Variants in SORBS3 observed in about 807,000 individuals in gnomAD.
The protein encoded by SORBS3 is sorbin and SH3 domain containing 3.
A neutral mutation model predicts 98.0 loss-of-function variants in SORBS3; 69 were observed. That is an observed-to-expected ratio of 0.70 (90% CI 0.58 to 0.86). The LOEUF (loss-of-function observed/expected upper bound fraction) is 0.86. SORBS3 is among the 40% of genes least tolerant of loss of function. SORBS3 has a pLI of 0.00. For missense variants in SORBS3, 954 were observed against 908.5 expected (o/e 1.05, Z -0.64); for synonymous variants, 394 against 355.4 (o/e 1.11, Z -1.22).
At chr8:22,555,965 C>T (rs1208227678) in intron 3 of SORBS3, among the ~76,000 whole-genome samples, 1 of 152,230 alleles carries the variant, frequency 6.6e-6, no homozygotes, top group African/African-American at 2.4e-5. Flanking sequence ...TTTAACCCCT[C>T]GATATCCTGA....
At chr8:22,553,277 C>G (rs1840120196) in intron 1 of SORBS3, among the ~76,000 whole-genome samples, 2 of 152,178 alleles carry the variant, frequency 1.3e-5, no homozygotes, top group African/African-American at 4.8e-5. Context: ...CCAACACACA[C>G]ATACACACAG....
chr8:22,552,324 A>AGGGGCCTCTCCCCGCTCCC (rs1840097951), intron 1 of SORBS3, among the ~76,000 whole-genome samples: 1 of 152,102 alleles, frequency 6.6e-6, no homozygotes, highest in Admixed American at 6.5e-5. Context: ...CTCCCGCTCC[A>AGGGGCCTCTCCCCGCTCCC]GGGGCCTCTC....
intron 10 of SORBS3, 93 bp downstream of exon 10, chr8:22,564,614 C>A: frequency 6.6e-7 from 1 of 1,525,914 alleles, no homozygotes; most frequent in Non-Finnish European, 9.0e-7. Context: ...AGGCCACGAA[C>A]TAAGAGCTCT....
rs1490198818 is a variant in SORBS3, at chr8:22,574,756, C to G, written c.*28C>G. 6.2e-7 allele frequency: 1 copy of G among 1,607,866 alleles called. No homozygotes were observed. Among genetic ancestry groups the G allele is most frequent in the South Asian group, 1.1e-5 (1 of 90,942 alleles). On this transcript the variant is annotated 3_prime_UTR_variant, in exon 21 of 21. Coordinates refer to ENST00000240123, the MANE Select transcript of SORBS3 (RefSeq NM_005775.5). Reference sequence around the variant, plus strand: ...GGTCTCCATGGCAACTTGGAGCCAGCCAGGATGGGGTGGGGAGCGGTGGCA... The same window carrying G: ...GGTCTCCATGGCAACTTGGAGCCAGGCAGGATGGGGTGGGGAGCGGTGGCA...
intron 6 of SORBS3, chr8:22,561,581 T>C: frequency 3.2e-6 from 2 of 624,350 alleles, no homozygotes; most frequent in Middle Eastern, 2.7e-4. Context: ...GAACGCGCGC[T>C]CTGCCACTCC....
At chr8:22,573,898 G>A (rs1840655330) in intron 20 of SORBS3, among the ~76,000 whole-genome samples, 1 of 152,192 alleles carries the variant, frequency 6.6e-6, no homozygotes, top group Non-Finnish European at 1.5e-5. Context: ...TGGGGGGTGT[G>A]GGGATACACA....
rs770912630 is a variant in SORBS3, at chr8:22,570,900, C to G, written c.1432-10C>G. 2.5e-6 allele frequency: 4 copies of G among 1,576,746 alleles called. No homozygotes were observed. The Admixed American group carries it at 6.9e-5, about 27-fold the overall frequency. On this transcript the variant is annotated splice_polypyrimidine_tract_variant and intron_variant, in intron 17 of 20. Coordinates refer to ENST00000240123, the MANE Select transcript of SORBS3 (RefSeq NM_005775.5). ...GAAGGCCCCACAGACACTGACTTTT[C>G]CCCCCTCAGGGAGAGCACATCTGCC...
At position 22,567,090 on chromosome 8, in the gene SORBS3, T is replaced by C. The variant is rs573791700; in HGVS notation, c.1220T>C (p.Val407Ala). The C allele has an allele frequency of 2.5e-6, 4 of 1,613,702 alleles. No homozygotes were observed. The South Asian group carries it at 4.4e-5, about 18-fold the overall frequency. The change falls in exon 16 of 21, where the codon GTC becomes GCC. Residue 407 changes from valine (V) to alanine (A), a missense_variant. Coordinates refer to ENST00000240123, the MANE Select transcript of SORBS3 (RefSeq NM_005775.5). ...CTGACTCTGCAGAAGGGTGACATTG[T>C]CTACATCCACAAGGAGGTGGACAAG... ...KELTLQKGDIVYIHKEVDKNW... is the reference protein window; with the variant it reads ...KELTLQKGDIAYIHKEVDKNW...
chr8:22,559,823 A>T (rs1840257508), intron 5 of SORBS3, among the ~76,000 whole-genome samples: 1 of 152,088 alleles, frequency 6.6e-6, no homozygotes. Flanking sequence ...AAGGTCTAAA[A>T]CTGCAGATGG....
chr8:22,556,635 G>T (rs1036446120), intron 3 of SORBS3, 80 bp from the exon 4 acceptor site: 16 of 1,262,868 alleles, frequency 1.3e-5, no homozygotes, highest in Non-Finnish European at 1.7e-5. Flanking sequence ...AGAGATCCAT[G>T]CTCTGAGGAG....
upstream of SORBS3, among the ~76,000 whole-genome samples, chr8:22,548,511 G>T (rs942528477): frequency 6.6e-6 from 1 of 152,180 alleles, no homozygotes; most frequent in Non-Finnish European, 1.5e-5. Context: ...GCTCAGCTTA[G>T]AGGAAGGAAG....
chr8:22,560,868 TGTGTGC>T (rs763497223), intron 5 of SORBS3: 23,609 of 101,524 alleles, frequency 0.23, 2,167 homozygotes, highest in East Asian at 0.38. Flanking sequence ...TGTGTGTGTG[TGTGTGC>T]GCGCGCGCAC....
rs777494526 is a variant in SORBS3 at position 22,567,106 on chromosome 8, G to A, written c.1236G>A (p.Glu412=). The change falls in exon 16 of 21, where the codon GAG becomes GAA. Residue 412 remains glutamate (E), a synonymous_variant. Transcript: ENST00000240123. Reference sequence around the variant, plus strand: ...GTGACATTGTCTACATCCACAAGGAGGTGGACAAGAACTGGCTGGAGGGAG... The same window carrying A: ...GTGACATTGTCTACATCCACAAGGAAGTGGACAAGAACTGGCTGGAGGGAG... ...QKGDIVYIHK[E]VDKNWLEGEH... is the part of the protein sequence containing the mutation. The A allele has an allele frequency of 4.3e-6, 7 of 1,613,618 alleles. No homozygotes were observed. In the South Asian group the frequency reaches 4.4e-5, roughly 10 times the overall value.
rs1840303755 is a variant in SORBS3, at chr8:22,561,911, C to T, written c.564C>T (p.Gly188=). Residue 188 remains glycine (G), a synonymous_variant, in exon 7 of 21, where the codon GGC becomes GGT. Transcript: ENST00000240123. Reference sequence around the variant, plus strand: ...AGCAAAGACCTGCCCACAGGCCCGGCCCGGCAACATCTTCCAGTGGGTGAG... The same window carrying T: ...AGCAAAGACCTGCCCACAGGCCCGGTCCGGCAACATCTTCCAGTGGGTGAG... ...GAQQRPAHRP[G]PATSSSGRSW... The T allele has an allele frequency of 6.2e-7, 1 of 1,614,174 alleles. No individual in the cohort carries two copies. Among genetic ancestry groups the T allele is most frequent in the South Asian group, 1.1e-5 (1 of 91,088 alleles).
At chr8:22,563,483 A>G (rs2469763) in intron 7 of SORBS3, among the ~76,000 whole-genome samples, 137,248 of 152,226 alleles carry the variant, frequency 0.9, 61,959 homozygotes, top group South Asian at 0.93. Context: ...TGCAGGGCAG[A>G]GCTGCCTCTG....
At chr8:22,565,699 C>T in intron 11 of SORBS3, 127 bp from the exon 12 acceptor site, 3 of 1,226,566 alleles carry the variant, frequency 2.4e-6, no homozygotes, top group African/African-American at 1.6e-5. Flanking sequence ...CGCGCGGGCG[C>T]CTCTAGGACC....
At chr8:22,565,446 C>T in intron 11 of SORBS3, 92 bp downstream of exon 11, 3 of 1,059,152 alleles carry the variant, frequency 2.8e-6, no homozygotes, top group Non-Finnish European at 3.9e-6. Context: ...GGGCGGAGGA[C>T]GGGCAGCCGA....
chr8:22,565,120 C>A, intron 10 of SORBS3, 148 bp from the exon 11 acceptor site: 1 of 1,466,310 alleles, frequency 6.8e-7, no homozygotes, highest in Non-Finnish European at 9.0e-7. Context: ...TGGGCCACAC[C>A]TCCTGGCAGG....
chr8:22,558,783 A>C lies in SORBS3; in HGVS notation c.478+591A>C, dbSNP rs112410542. ...CCCCATGCAGGGAGGCTGCTCCTTC[A>C]CCCAGGAGCGGCCAGGAAGGTCATT... On this transcript the variant is annotated intron_variant, in intron 5 of 20. Coordinates refer to ENST00000240123, the MANE Select transcript of SORBS3 (RefSeq NM_005775.5). Among the ~76,000 whole-genome samples the C allele has an allele frequency of 5.1e-3, 777 of 152,302 alleles. 4 individuals carry two copies. Among genetic ancestry groups the C allele is most frequent in the African/African-American group, 0.018 (732 of 41,558 alleles).
Sources: gnomAD v4.1 joint callset for allele counts (sites outside exome capture counted in the v4.1 genomes callset) on GRCh38, gnomAD v4.1.1 for gene constraint, MANE v1.5 for transcripts, NCBI Gene and HGNC (gene_info 2026-07-23, HGNC 2026-07-21) for gene names.